CMSS1: variants seen among roughly 807,000 people sequenced by gnomAD.
CMSS1 encodes the protein protein CMSS1.
Under a neutral mutation model 43.5 loss-of-function variants are expected in CMSS1, and 33 were observed. The ratio of observed to expected loss-of-function variants is 0.76; its 90% CI spans 0.57 to 1.01. CMSS1 has a LOEUF of 1.01. Ranked by LOEUF, CMSS1 falls within the 50% of genes least tolerant of loss-of-function variation. The pLI, the probability that CMSS1 is intolerant of heterozygous loss-of-function variation, is 0.00. For synonymous variants in CMSS1, 115 were observed against 117.2 expected (o/e 0.98, Z 0.12); for missense variants, 313 against 326.4 (o/e 0.96, Z 0.32).
intron 1 of CMSS1, among the ~76,000 whole-genome samples, chr3:100,001,985 A>G (rs1013651968): frequency 1.3e-5 from 2 of 152,074 alleles, no homozygotes; most frequent in African/African-American, 2.4e-5. Flanking sequence ...ATCCCCCCCA[A>G]TTCTGAAGCT....
chr3:100,124,615 A>G (rs1225006410), intron 1 of CMSS1, among the ~76,000 whole-genome samples: 1 of 152,120 alleles, frequency 6.6e-6, no homozygotes, highest in African/African-American at 2.4e-5. Context: ...CTGTCCTCGC[A>G]GTCCTCACCA....
At chr3:100,070,653 C>T (rs567183468) in intron 1 of CMSS1, among the ~76,000 whole-genome samples, 41 of 152,084 alleles carry the variant, frequency 2.7e-4, no homozygotes, top group East Asian at 1.4e-3. Flanking sequence ...TTTTTTGAGA[C>T]GGAGTTTCAC....
chr3:99,913,200 C>T (rs1429815368), intron 1 of CMSS1, among the ~76,000 whole-genome samples: 1 of 152,178 alleles, frequency 6.6e-6, no homozygotes, highest in Admixed American at 6.5e-5. Context: ...TGTTTACAAG[C>T]CACCCAATCT....
At chr3:100,125,105 T>C (rs964932222) in intron 1 of CMSS1, among the ~76,000 whole-genome samples, 4 of 152,184 alleles carry the variant, frequency 2.6e-5, no homozygotes, top group Admixed American at 2.6e-4. Flanking sequence ...TTGGGAGAGG[T>C]CAGTCTTCGG....
chr3:99,988,145 T>C (rs141938181), intron 1 of CMSS1, among the ~76,000 whole-genome samples: 1 of 152,224 alleles, frequency 6.6e-6, no homozygotes, highest in African/African-American at 2.4e-5. Context: ...GAACAAAAGC[T>C]AAAAGAATTG....
At chr3:100,107,310 T>C (rs2107469196) in intron 1 of CMSS1, among the ~76,000 whole-genome samples, 1 of 152,304 alleles carries the variant, frequency 6.6e-6, no homozygotes, top group Admixed American at 6.5e-5. Flanking sequence ...AGTTTTATGA[T>C]GCCATCTGGG....
intron 1 of CMSS1, among the ~76,000 whole-genome samples, chr3:100,136,863 A>C (rs1382322220): frequency 6.6e-6 from 1 of 152,240 alleles, no homozygotes; most frequent in Admixed American, 6.5e-5. Flanking sequence ...ATTTTGAAAA[A>C]ATGTGCAGAA....
At chr3:100,173,609 A>G (rs1242131203) in intron 8 of CMSS1, among the ~76,000 whole-genome samples, 2 of 152,248 alleles carry the variant, frequency 1.3e-5, no homozygotes, top group African/African-American at 4.8e-5. Context: ...AGAAAGAGAT[A>G]GTTATGCTGG....
intron 1 of CMSS1, among the ~76,000 whole-genome samples, chr3:99,877,738 T>C (rs1054580139): frequency 3.3e-5 from 5 of 152,214 alleles, no homozygotes; most frequent in African/African-American, 4.8e-5. Flanking sequence ...ACTTATTAAA[T>C]ATCCTTTTTG....
At chr3:100,060,397 G>C (rs1156694358) in intron 1 of CMSS1, among the ~76,000 whole-genome samples, 2 of 152,000 alleles carry the variant, frequency 1.3e-5, no homozygotes, top group Non-Finnish European at 2.9e-5. Context: ...CTAAGAGAAG[G>C]CAGCTCCTTG....
chr3:100,122,269 A>AC (rs1439212640), intron 1 of CMSS1, among the ~76,000 whole-genome samples: 4 of 151,898 alleles, frequency 2.6e-5, no homozygotes, highest in Non-Finnish European at 5.9e-5. Context: ...ACAATTCTAG[A>AC]CCCCCCTTTC....
intron 1 of CMSS1, chr3:99,833,228 G>A (rs1942755641): frequency 6.2e-7 from 1 of 1,611,456 alleles, no homozygotes; most frequent in African/African-American, 1.3e-5. Flanking sequence ...TCTGAAGGAT[G>A]TTGAGTTCAA....
chr3:100,100,201 G>A (rs530593218), intron 1 of CMSS1, among the ~76,000 whole-genome samples: 1 of 152,290 alleles, frequency 6.6e-6, no homozygotes, highest in South Asian at 2.1e-4. Context: ...GGGGGCACAA[G>A]TAGCCTTCTC....
intron 1 of CMSS1, among the ~76,000 whole-genome samples, chr3:99,893,224 G>T (rs1265663579): frequency 6.9e-6 from 1 of 145,886 alleles, no homozygotes; most frequent in Non-Finnish European, 1.5e-5. Flanking sequence ...GGAGTGCAGT[G>T]GCGCAATCTC....
intron 1 of CMSS1, among the ~76,000 whole-genome samples, chr3:99,826,077 C>T (rs1426935826): frequency 6.6e-6 from 1 of 152,058 alleles, no homozygotes; most frequent in East Asian, 1.9e-4. Context: ...GAGCCCGGCC[C>T]AGCACAAGTC....
chr3:99,949,549 A>G (rs1372168269), intron 1 of CMSS1, among the ~76,000 whole-genome samples: 1 of 152,200 alleles, frequency 6.6e-6, no homozygotes, highest in African/African-American at 2.4e-5. Context: ...AAGGAAAAAC[A>G]AACAATTCTA....
intron 1 of CMSS1, chr3:99,830,597 C>T (rs1253476634): frequency 6.6e-6 from 3 of 456,390 alleles, no homozygotes; most frequent in Non-Finnish European, 1.3e-5. Flanking sequence ...GCTTGCATAC[C>T]TCCTTGATCT....
chr3:100,162,561 A>G, intron 4 of CMSS1, 129 bp downstream of exon 4: 1 of 924,340 alleles, frequency 1.1e-6, no homozygotes, highest in Admixed American at 2.8e-5. Context: ...TAATCCCAGC[A>G]CTTTGGGAGA....
At chr3:99,833,237 A>G (rs746588349) in intron 1 of CMSS1, 14 of 1,612,372 alleles carry the variant, frequency 8.7e-6, no homozygotes, top group Non-Finnish European at 1.1e-5. Flanking sequence ...TGTTGAGTTC[A>G]ATGAGGCAGA....
Sources: gnomAD v4.1 joint callset for allele counts (sites outside exome capture counted in the v4.1 genomes callset) on GRCh38, gnomAD v4.1.1 for gene constraint, MANE v1.5 for transcripts, NCBI Gene and HGNC (gene_info 2026-07-23, HGNC 2026-07-21) for gene names.